TEAD1: variants seen among roughly 807,000 people sequenced by gnomAD.
TEAD1 encodes the protein transcriptional enhancer factor TEF-1.
TEAD1 carries 9 observed loss-of-function variants against 54.9 expected under a neutral mutation model. That is an observed-to-expected ratio of 0.16 (90% CI 0.10 to 0.29). The LOEUF (loss-of-function observed/expected upper bound fraction) is 0.29. Among genes scored for constraint, TEAD1 ranks in the 10% least tolerant of loss-of-function variants. TEAD1 has a pLI of 1.00. For synonymous variants in TEAD1, 200 were observed against 187.8 expected (o/e 1.07, Z -0.53); for missense variants, 387 against 535.9 (o/e 0.72, Z 2.74).
In TEAD1 at chr11:12,734,005, G is replaced by A. The variant is rs144025774; in HGVS notation, c.-54-30174G>A. 4.0e-3 allele frequency among the ~76,000 whole-genome samples: 603 copies of A among 152,024 alleles called. 4 individuals are homozygous for A. Among genetic ancestry groups the A allele is most frequent in the African/African-American group, 0.014 (572 of 41,530 alleles). On this transcript the variant is annotated intron_variant, in intron 2 of 12. Coordinates refer to ENST00000527636, the MANE Select transcript of TEAD1 (RefSeq NM_021961.6). ...TGTGATAATAGCTTATTGCAGCCTT[G>A]AACTTGTAGGCTCAAGTGACCCTCC...
At chr11:12,783,626 G>A (rs1165442381) in intron 3 of TEAD1, among the ~76,000 whole-genome samples, 1 of 152,150 alleles carries the variant, frequency 6.6e-6, no homozygotes, top group African/African-American at 2.4e-5. Flanking sequence ...CTGCGTGGTG[G>A]AGCTGTGATT....
At chr11:12,814,889 G>A (rs1215776175) in intron 3 of TEAD1, among the ~76,000 whole-genome samples, 7 of 151,674 alleles carry the variant, frequency 4.6e-5, no homozygotes, top group East Asian at 3.9e-4. Context: ...GTGTGCACGC[G>A]TCCCGGAGCG....
intron 5 of TEAD1, among the ~76,000 whole-genome samples, chr11:12,871,032 C>T (rs1045896716): frequency 3.9e-5 from 6 of 152,338 alleles, no homozygotes; most frequent in African/African-American, 1.4e-4. Flanking sequence ...CCTTTTGACC[C>T]ACTGCTCTCA....
chr11:12,691,201 TTCC>T (rs1482253706), intron 2 of TEAD1, among the ~76,000 whole-genome samples: 1 of 152,228 alleles, frequency 6.6e-6, no homozygotes, highest in African/African-American at 2.4e-5. Context: ...TCCATTGCAG[TTCC>T]TCCTCTTACT....
At chr11:12,740,721 G>C (rs965621859) in intron 2 of TEAD1, among the ~76,000 whole-genome samples, 1 of 152,078 alleles carries the variant, frequency 6.6e-6, no homozygotes, top group Non-Finnish European at 1.5e-5. Flanking sequence ...GAGGGTAACT[G>C]CCCCCTGCCC....
chr11:12,810,331 A>G (rs946012748), intron 3 of TEAD1, among the ~76,000 whole-genome samples: 5 of 152,086 alleles, frequency 3.3e-5, no homozygotes, highest in Admixed American at 3.3e-4. Flanking sequence ...TTAGAGGTGT[A>G]AGGGAGCTTG....
chr11:12,683,747 T>C (rs1943273964), intron 2 of TEAD1, among the ~76,000 whole-genome samples: 1 of 152,062 alleles, frequency 6.6e-6, no homozygotes. Context: ...AACTTGGCTG[T>C]GAGGAATTAA....
At chr11:12,935,441 ATTATTTATTTATTTAT>A (rs372268851) in intron 12 of TEAD1, among the ~76,000 whole-genome samples, 2 of 149,550 alleles carry the variant, frequency 1.3e-5, no homozygotes, top group Non-Finnish European at 3.0e-5. Context: ...TCATTCAGCA[ATTATTTATTTATTTAT>A]TTATTTATTT....
At chr11:12,680,069 A>G (rs538013733) in intron 2 of TEAD1, among the ~76,000 whole-genome samples, 1 of 152,218 alleles carries the variant, frequency 6.6e-6, no homozygotes, top group African/African-American at 2.4e-5. Context: ...ATTGTTATGA[A>G]TGTATTTGAC....
At chr11:12,868,884 G>C (rs1230094208) in intron 5 of TEAD1, among the ~76,000 whole-genome samples, 2 of 152,180 alleles carry the variant, frequency 1.3e-5, no homozygotes, top group Admixed American at 1.3e-4. Context: ...CAGCTAGGGG[G>C]CTCTGCAGTA....
At chr11:12,714,221 C>A (rs1348104463) in intron 2 of TEAD1, among the ~76,000 whole-genome samples, 1 of 152,080 alleles carries the variant, frequency 6.6e-6, no homozygotes, top group Admixed American at 6.5e-5. Context: ...TGCTCTTTGG[C>A]TAAGGGGCAG....
intron 3 of TEAD1, among the ~76,000 whole-genome samples, chr11:12,767,549 C>T (rs959298109): frequency 6.6e-6 from 1 of 151,984 alleles, no homozygotes; most frequent in Non-Finnish European, 1.5e-5. Context: ...AAATTTTGTT[C>T]GTGGTTGGCA....
intron 3 of TEAD1, among the ~76,000 whole-genome samples, chr11:12,769,654 T>C (rs1394043715): frequency 6.6e-6 from 1 of 152,138 alleles, no homozygotes; most frequent in African/African-American, 2.4e-5. Context: ...TCTCCAGGCC[T>C]TGGCAAAGTG....
chr11:12,727,739 A>G (rs1944342583), intron 2 of TEAD1, among the ~76,000 whole-genome samples: 1 of 152,262 alleles, frequency 6.6e-6, no homozygotes, highest in African/African-American at 2.4e-5. Context: ...GATCTGTGTG[A>G]GATGCCGTAG....
chr11:12,710,387 T>G (rs1434041737), intron 2 of TEAD1, among the ~76,000 whole-genome samples: 1 of 152,098 alleles, frequency 6.6e-6, no homozygotes, highest in Non-Finnish European at 1.5e-5. Flanking sequence ...ACAGATATCA[T>G]TGGGCATCTA....
intron 9 of TEAD1, among the ~76,000 whole-genome samples, chr11:12,897,508 C>T (rs1209934881): frequency 6.6e-6 from 1 of 152,156 alleles, no homozygotes; most frequent in Admixed American, 6.5e-5. Flanking sequence ...GTCTCCAGGG[C>T]ACCTTCTGTA....
chr11:12,704,261 C>T (rs868377190), intron 2 of TEAD1, among the ~76,000 whole-genome samples: 20 of 152,218 alleles, frequency 1.3e-4, no homozygotes, highest in Middle Eastern at 3.4e-3. Context: ...TGAAATTTGC[C>T]GGAGGGGCCA....
chr11:12,795,458 G>A (rs1945895559), intron 3 of TEAD1, among the ~76,000 whole-genome samples: 1 of 152,160 alleles, frequency 6.6e-6, no homozygotes, highest in Non-Finnish European at 1.5e-5. Context: ...GCATACATGG[G>A]TGCAGGTTTA....
At chr11:12,811,272 A>G (rs909660906) in intron 3 of TEAD1, among the ~76,000 whole-genome samples, 2 of 152,164 alleles carry the variant, frequency 1.3e-5, no homozygotes, top group Non-Finnish European at 2.9e-5. Flanking sequence ...CATGAGTTCT[A>G]TATGGGAGCA....
Sources: allele counts gnomAD v4.1 joint callset (sites outside exome capture counted in the v4.1 genomes callset), GRCh38; gene constraint gnomAD v4.1.1; transcripts MANE v1.5; gene names NCBI Gene and HGNC (gene_info 2026-07-23, HGNC 2026-07-21).